The following SYNE2 variants were observed in gnomAD, a reference collection of about 807,000 sequenced individuals.
SYNE2 encodes the protein spectrin repeat containing nuclear envelope protein 2.
In SYNE2, 431 loss-of-function variants were observed where a neutral mutation model predicts 856.3. The ratio of observed to expected loss-of-function variants is 0.50; its 90% confidence interval spans 0.47 to 0.55. The LOEUF (loss-of-function observed/expected upper bound fraction) is 0.55, where lower values mean the gene tolerates loss of function less well. Ranked by LOEUF, SYNE2 falls within the 20% of genes least tolerant of loss-of-function variation. The probability of loss-of-function intolerance (pLI) is 0.00; values close to 1 mark genes in which losing one functional copy is unlikely to be tolerated. For synonymous variants in SYNE2, 2,923 were observed against 2,872.3 expected (o/e 1.02, Z -0.56); for missense variants, 8,129 against 8,023.2 (o/e 1.01, Z -0.50).
At chr14:63,908,764 T>A (rs531159119) in intron 1 of SYNE2, among the ~76,000 whole-genome samples, 2 of 152,134 alleles carry the variant, frequency 1.3e-5, no homozygotes, top group African/African-American at 2.4e-5. Context: ...GCCTAAGATA[T>A]CAGTTTGTGT....
chr14:63,995,210 A>G lies in SYNE2; in HGVS notation c.2940+8A>G, dbSNP rs1016739113. The G allele has an allele frequency of 1.9e-6, 3 of 1,603,192 alleles. No individual in the cohort carries two copies. Among genetic ancestry groups the G allele is most frequent in the Non-Finnish European group, 2.6e-6 (3 of 1,172,926 alleles). On this transcript the variant is annotated splice_region_variant and intron_variant, in intron 23 of 115. Transcript: ENST00000555002. ...CTCATCAAAGAACATGAGGTACAAT[A>G]AAGTGTTTCCACTTAAATTTTGTCA...
chr14:63,772,350 T>C (rs1474941755), intron 1 of SYNE2, among the ~76,000 whole-genome samples: 1 of 152,022 alleles, frequency 6.6e-6, no homozygotes, highest in Middle Eastern at 3.4e-3. Flanking sequence ...TGAGACTCCA[T>C]CTCAAAAACA....
rs1272232931 is a variant in SYNE2 at position 63,778,149 on chromosome 14, G to A, written c.-305+16163G>A. Among the ~76,000 whole-genome samples the A allele has an allele frequency of 3.9e-5, 6 of 152,242 alleles. No homozygotes were observed. In the East Asian group the frequency reaches 1.2e-3, roughly 29 times the overall value. On this transcript the variant is annotated intron_variant, in intron 1 of 23. Coordinates refer to the SYNE2 transcript ENST00000674003. Reference sequence around the variant, plus strand: ...GACTGGATCATGGGGGCATTTCCCCGCATCCTGTTCTCCTGATAGTGAGTG... The same window carrying A: ...GACTGGATCATGGGGGCATTTCCCCACATCCTGTTCTCCTGATAGTGAGTG...
Position 63,999,026 on chromosome 14 carries a change from C to T in SYNE2, c.3466C>T (p.Leu1156=). 1.2e-6 allele frequency: 2 copies of T among 1,613,766 alleles called. No individual in the cohort carries two copies. The highest frequency in any genetic ancestry group is 1.1e-5 in the South Asian group (1 of 91,070). Residue 1156 remains leucine, a synonymous_variant, in exon 27 of 116, where the codon CTG becomes TTG. Transcript: ENST00000555002. ...DRSSSCLQAK[L]TDLQVIKNET... ...GAGTAGTTCTTGTCTGCAGGCTAAACTGACAGATCTACAGGTAATTACCAA... is the reference window on the plus strand; with the variant it reads ...GAGTAGTTCTTGTCTGCAGGCTAAATTGACAGATCTACAGGTAATTACCAA...
rs534830736 is a variant in SYNE2 at position 64,119,506 on chromosome 14, C to T, written c.12920C>T (p.Ala4307Val). 1.2e-6 allele frequency: 2 copies of T among 1,614,138 alleles called. No homozygotes were observed. Among genetic ancestry groups the T allele is most frequent in the Middle Eastern group, 1.7e-4 (1 of 6,058 alleles). ...CKDQGLGDNG[A>V]TQHEAEALSL... ...GATCAGGGCCTGGGAGATAATGGAG[C>T]CACTCAACATGAGGCTGAAGCGCTT... The change falls in exon 67 of 116, where the codon GCC becomes GTC. Residue 4307 changes from alanine (A) to valine (V), a missense_variant. Ala to Val is a moderately conservative substitution (Grantham distance 64). Transcript: ENST00000555002.
At chr14:63,983,703 T>C (rs1483773310) in intron 17 of SYNE2, 34 bp from the exon 18 acceptor site, 9 of 1,551,586 alleles carry the variant, frequency 5.8e-6, no homozygotes, top group Non-Finnish European at 4.4e-6. Flanking sequence ...AATAAAAATA[T>C]GAGTATTACA....
chr14:64,019,957 A>T (rs1315897338), intron 34 of SYNE2, 35 bp from the exon 35 acceptor site: 1 of 1,404,652 alleles, frequency 7.1e-7, no homozygotes, highest in Non-Finnish European at 1.0e-6. Context: ...GGTATGAAAT[A>T]AAAAGACACT....
Position 64,126,740 on chromosome 14 carries a change from C to G in SYNE2, c.13850C>G (p.Thr4617Ser). Residue 4617 changes from threonine (T) to serine (S), a missense_variant, in exon 73 of 116, where the codon ACT becomes AGT. This residue lies in a region of SYNE2 where 5,410 missense variants were observed against 5,284.8 expected (regional missense o/e 1.02). Coordinates refer to ENST00000555002, the MANE Select transcript of SYNE2 (RefSeq NM_182914.3). ...AACCTTCAAGTCTGCCTGGAGCACA[C>G]TCAGGCTGCAGCTGTCTGTAGAAGC... ...FDNLQVCLEHTQAAAVCRSKS... is the reference protein window; with the variant it reads ...FDNLQVCLEHSQAAAVCRSKS... 6.2e-7 allele frequency: 1 copy of G among 1,614,202 alleles called. No individual in the cohort carries two copies.
chr14:63,781,613 G>A (rs1046791109), intron 1 of SYNE2, among the ~76,000 whole-genome samples: 4 of 151,836 alleles, frequency 2.6e-5, no homozygotes, highest in Non-Finnish European at 4.4e-5. Flanking sequence ...GAAGAGGAGG[G>A]CTAGCATGAA....
intron 1 of SYNE2, among the ~76,000 whole-genome samples, chr14:63,829,613 A>G (rs1889592833): frequency 1.3e-5 from 2 of 151,928 alleles, no homozygotes; most frequent in South Asian, 4.1e-4. Flanking sequence ...CTTTATTAAC[A>G]TTATTTTTAT....
At chr14:63,857,257 G>A (rs1892056128) in intron 1 of SYNE2, among the ~76,000 whole-genome samples, 1 of 152,012 alleles carries the variant, frequency 6.6e-6, no homozygotes, top group Non-Finnish European at 1.5e-5. Context: ...TCTTTGCCTG[G>A]CTTTTGCTTA....
intron 2 of SYNE2, among the ~76,000 whole-genome samples, chr14:63,938,320 G>A (rs2153411989): frequency 6.6e-6 from 1 of 152,216 alleles, no homozygotes. Context: ...GCTGGACATG[G>A]CAGTACACGC....
intron 18 of SYNE2, among the ~76,000 whole-genome samples, chr14:63,984,724 A>T (rs1255901): frequency 0.3 from 45,903 of 152,092 alleles, 7,140 homozygotes; most frequent in East Asian, 0.35. Context: ...GCTTTACTTA[A>T]ACTACTTTTA....
chr14:64,080,392 C>G, intron 55 of SYNE2, 64 bp from the exon 56 acceptor site: 1 of 1,501,346 alleles, frequency 6.7e-7, no homozygotes, highest in South Asian at 1.1e-5. Flanking sequence ...TGTGTGAAAA[C>G]CAGGCATTGC....
intron 1 of SYNE2, among the ~76,000 whole-genome samples, chr14:63,868,693 T>C (rs562389601): frequency 6.6e-6 from 1 of 152,130 alleles, no homozygotes; most frequent in South Asian, 2.1e-4. Flanking sequence ...ATGAAAGTAA[T>C]ATGGGGAAGG....
chr14:64,141,275 T>C lies in SYNE2; in HGVS notation c.14977-66T>C. Reference sequence around the variant, plus strand: ...TGTTTATTTGTTGACTCTAGCCAGTTATTCCGACTCTTACTTTCTGCTATA... The same window carrying C: ...TGTTTATTTGTTGACTCTAGCCAGTCATTCCGACTCTTACTTTCTGCTATA... On this transcript the variant is annotated intron_variant, in intron 80 of 115. Coordinates refer to ENST00000555002, the MANE Select transcript of SYNE2 (RefSeq NM_182914.3). 2.2e-6 allele frequency: 3 copies of C among 1,333,580 alleles called. No homozygotes were observed. The South Asian group carries it at 3.8e-5, about 17-fold the overall frequency. 82.6% of individuals were successfully genotyped at this position (1,333,580 alleles called of 1,614,324 possible). A position where few individuals can be genotyped will look rare whatever the true frequency, so the allele number is the denominator to read the frequency against.
intron 1 of SYNE2, among the ~76,000 whole-genome samples, chr14:63,891,405 A>G (rs2095128948): frequency 6.6e-6 from 1 of 152,176 alleles, no homozygotes; most frequent in African/African-American, 2.4e-5. Flanking sequence ...TGTGTGATAT[A>G]CAGGGGTTGT....
At chr14:63,967,952 C>G (rs1206251349) in intron 11 of SYNE2, 106 bp downstream of exon 11, 2 of 1,116,878 alleles carry the variant, frequency 1.8e-6, no homozygotes, top group East Asian at 4.9e-5. Flanking sequence ...CACTTGAGGT[C>G]AGGAGTTTGA....
chr14:63,887,065 G>A (rs778106444), intron 1 of SYNE2, among the ~76,000 whole-genome samples: 1 of 152,116 alleles, frequency 6.6e-6, no homozygotes, highest in Non-Finnish European at 1.5e-5. Flanking sequence ...GCTAGATCAC[G>A]AGGTCAAGAG....
Sources: allele counts gnomAD v4.1 joint callset (sites outside exome capture counted in the v4.1 genomes callset), GRCh38; gene constraint gnomAD v4.1.1; regional missense constraint gnomAD v4.1.1; transcripts MANE v1.5; gene names NCBI Gene and HGNC (gene_info 2026-07-23, HGNC 2026-07-21).